CAMK1: variants seen among roughly 807,000 people sequenced by gnomAD.
CAMK1 encodes calcium/calmodulin dependent protein kinase I.
A neutral mutation model predicts 49.1 loss-of-function variants in CAMK1; 39 were observed. That is an observed-to-expected ratio of 0.79 (90% confidence interval 0.62 to 1.04). CAMK1 has a LOEUF of 1.04. Among genes scored for constraint, CAMK1 ranks in the 50% least tolerant of loss-of-function variants. The pLI is 0.00. For missense variants in CAMK1, 457 were observed against 472.2 expected (o/e 0.97, Z 0.30); for synonymous variants, 192 against 185.2 (o/e 1.04, Z -0.30).
chr3:9,766,735 G>C (rs768380672), intron 2 of CAMK1: 11 of 636,418 alleles, frequency 1.7e-5, no homozygotes, highest in Non-Finnish European at 2.2e-5. Flanking sequence ...ATAAGTCAAA[G>C]AAAAGCATCT....
chr3:9,758,006 T>G, intron 10 of CAMK1, 160 bp from the exon 11 acceptor site: 1 of 1,188,778 alleles, frequency 8.4e-7, no homozygotes, highest in South Asian at 1.7e-5. Flanking sequence ...TCTACAAGGC[T>G]TTATTATATA....
At chr3:9,769,652 G>A (rs1184839981) in intron 1 of CAMK1, among the ~76,000 whole-genome samples, 180 bp downstream of exon 1, 1 of 152,132 alleles carries the variant, frequency 6.6e-6, no homozygotes, top group African/African-American at 2.4e-5. Flanking sequence ...CCATAGGCCC[G>A]CCTGGCACCT....
At chr3:9,768,844 T>A (rs183429792) in intron 1 of CAMK1, among the ~76,000 whole-genome samples, 2 of 152,254 alleles carry the variant, frequency 1.3e-5, no homozygotes, top group East Asian at 3.9e-4. Context: ...ACAGGACCTT[T>A]TTCCCAGGGG....
At chr3:9,766,488 A>G (rs7373013) in intron 2 of CAMK1, 4 of 404,428 alleles carry the variant, frequency 9.9e-6, no homozygotes, top group Middle Eastern at 8.9e-4. Flanking sequence ...GTCAAAAAAA[A>G]GAAAAAAAAA....
At chr3:9,762,744 G>GTATC (rs974281201) in intron 5 of CAMK1, among the ~76,000 whole-genome samples, 170 bp downstream of exon 5, 4 of 152,022 alleles carry the variant, frequency 2.6e-5, no homozygotes, top group African/African-American at 9.7e-5. Context: ...GTTCCTTTGA[G>GTATC]TATCTGGACT....
chr3:9,768,504 CATT>C (rs1312838917), intron 1 of CAMK1, among the ~76,000 whole-genome samples: 9 of 152,306 alleles, frequency 5.9e-5, no homozygotes, highest in African/African-American at 1.9e-4. Flanking sequence ...AGTTCTCTCC[CATT>C]TATCAGATGA....
chr3:9,764,258 G>A (rs2078030812), intron 3 of CAMK1, among the ~76,000 whole-genome samples: 1 of 152,160 alleles, frequency 6.6e-6, no homozygotes, highest in Non-Finnish European at 1.5e-5. Context: ...CCTGGCACAC[G>A]GTAAATACTC....
At chr3:9,768,634 G>C (rs1480602568) in intron 1 of CAMK1, among the ~76,000 whole-genome samples, 1 of 152,220 alleles carries the variant, frequency 6.6e-6, no homozygotes, top group Non-Finnish European at 1.5e-5. Context: ...AATGGCCTTG[G>C]CTGGTACTTC....
In CAMK1 at chr3:9,760,652, A is replaced by G. The variant is rs377198670; in HGVS notation, c.745+4T>C. The G allele has an allele frequency of 6.2e-7, 1 of 1,613,748 alleles. No individual in the cohort carries two copies. The highest frequency in any genetic ancestry group is 1.3e-5 in the African/African-American group (1 of 74,884). ...CCAGGGGAAAAAAGCAAAGCCCCAA[A>G]TACCAGAGTCAGAGATGTCGTCCCA... On this transcript the variant is annotated splice_donor_region_variant and intron_variant, in intron 8 of 11. Coordinates refer to ENST00000256460, the MANE Select transcript of CAMK1 (RefSeq NM_003656.5).
chr3:9,767,939 T>C (rs987609847), intron 1 of CAMK1, 158 bp from the exon 2 acceptor site: 1 of 770,290 alleles, frequency 1.3e-6, no homozygotes, highest in Admixed American at 6.2e-5. Flanking sequence ...TATTCAACAT[T>C]CAGCAAATTC....
rs187984989 is a variant in CAMK1 at position 9,769,188 on chromosome 3, C to G, written c.-33+644G>C. Among the ~76,000 whole-genome samples, 35 of 151,970 alleles carry G rather than the reference C, an allele frequency of 2.3e-4. No homozygotes were observed. In the East Asian group the frequency reaches 4.3e-3, roughly 19 times the overall value. On this transcript the variant is annotated intron_variant, in intron 1 of 11. Transcript: ENST00000256460. ...GTCCATCCAAACATCCCTCACCCAG[C>G]TCCCTCTTACACCCCAAAACACACA...
At chr3:9,764,488 T>G (rs1431337947) in intron 3 of CAMK1, among the ~76,000 whole-genome samples, 1 of 152,014 alleles carries the variant, frequency 6.6e-6, no homozygotes, top group African/African-American at 2.4e-5. Context: ...AATTTTGTAT[T>G]TTTAGTAGAG....
intron 3 of CAMK1, among the ~76,000 whole-genome samples, chr3:9,764,280 A>G (rs1360716210): frequency 6.6e-6 from 1 of 152,220 alleles, no homozygotes. Flanking sequence ...TAAGTGAAAC[A>G]ATAATGGTAA....
intron 2 of CAMK1, chr3:9,766,342 G>A: frequency 1.5e-6 from 1 of 678,514 alleles, no homozygotes; most frequent in Non-Finnish European, 2.7e-6. Flanking sequence ...TTTGGATTAT[G>A]TGTACAGTTG....
rs180919378 is a variant in CAMK1 at position 9,757,418 on chromosome 3, A to T, written c.*121T>A. The T allele has an allele frequency of 4.0e-4, 645 of 1,609,004 alleles. 3 individuals carry two copies. The highest frequency in any genetic ancestry group is 2.8e-3 in the Admixed American group (163 of 58,990). On this transcript the variant is annotated 3_prime_UTR_variant, in exon 12 of 12. Coordinates refer to ENST00000256460, the MANE Select transcript of CAMK1 (RefSeq NM_003656.5). The surrounding 1 kb of genome is among the most constrained non-coding windows in gnomAD (Gnocchi z 4.5). ...CATTTGTATGGAAAATGCAGTGAGG[A>T]GTGGTAGGGAAGCAGGTGAGGAGGG... is the stretch of plus-strand genomic sequence containing the variant.
intron 1 of CAMK1, 141 bp from the exon 2 acceptor site, chr3:9,767,922 A>C (rs2078200157): frequency 1.6e-6 from 2 of 1,252,996 alleles, no homozygotes; most frequent in African/African-American, 1.5e-5. Flanking sequence ...ACAAACATTC[A>C]TTTGTTTATT....
intron 2 of CAMK1, among the ~76,000 whole-genome samples, chr3:9,767,086 C>G: frequency 6.6e-6 from 1 of 152,134 alleles, no homozygotes; most frequent in East Asian, 1.9e-4. Context: ...ATTCCTTCTG[C>G]CTGGAATGTC....
rs577638487 is a variant in CAMK1 at position 9,763,078 on chromosome 3, GC to G, written c.291-27del. The G allele has an allele frequency of 4.6e-5, 74 of 1,614,122 alleles. No homozygotes were observed. The African/African-American group carries it at 8.4e-4, about 18-fold the overall frequency. ...CTGCAGCAGGGGATAGGGCAGTCTG[GC>G]AAAGAGGGTTGGGACAGCTGGGAGA... On this transcript the variant is annotated intron_variant, in intron 4 of 11. Coordinates refer to ENST00000256460, the MANE Select transcript of CAMK1 (RefSeq NM_003656.5).
chr3:9,759,805 TC>T (rs773488759), intron 8 of CAMK1, 55 bp from the exon 9 acceptor site: 62 of 1,613,436 alleles, frequency 3.8e-5, no homozygotes, highest in Non-Finnish European at 5.2e-5. Context: ...GCCTGTGTAC[TC>T]CCCAAGAGCA....
Sources: gnomAD v4.1 joint callset for allele counts (sites outside exome capture counted in the v4.1 genomes callset) on GRCh38, gnomAD v4.1.1 for gene constraint, Gnocchi (gnomAD v3.1) non-coding constraint, MANE v1.5 for transcripts, NCBI Gene and HGNC (gene_info 2026-07-23, HGNC 2026-07-21) for gene names.